PDE1C: variants seen among roughly 807,000 people sequenced by gnomAD.
The protein encoded by PDE1C is phosphodiesterase 1C, also known as dual specificity calcium/calmodulin-dependent 3',5'-cyclic nucleotide phosphodiesterase 1C.
PDE1C carries 62 observed loss-of-function variants against 93.1 expected under a neutral mutation model. The ratio of observed to expected loss-of-function variants is 0.67; its 90% CI spans 0.54 to 0.82. The LOEUF (loss-of-function observed/expected upper bound fraction) is 0.82, where lower values mean the gene tolerates loss of function less well. PDE1C is among the 40% of genes least tolerant of loss of function. PDE1C has a pLI of 0.00. For synonymous variants in PDE1C, 325 were observed against 310.1 expected (o/e 1.05, Z -0.50); for missense variants, 742 against 884.6 (o/e 0.84, Z 2.04).
At chr7:32,280,432 G>C (rs1221490834) in intron 1 of PDE1C, among the ~76,000 whole-genome samples, 1 of 152,038 alleles carries the variant, frequency 6.6e-6, no homozygotes, top group Non-Finnish European at 1.5e-5. Flanking sequence ...AAAAAATAGA[G>C]AAAAAGCTAA....
chr7:31,731,990 G>A, the PDE1C span, among the ~76,000 whole-genome samples: 4 of 152,234 alleles, frequency 2.6e-5, no homozygotes, highest in Non-Finnish European at 2.9e-5. Flanking sequence ...ATACTGATGA[G>A]GAGGGTGTAT....
chr7:31,782,309 A>G (rs1443110221), intron 16 of PDE1C, among the ~76,000 whole-genome samples: 1 of 152,254 alleles, frequency 6.6e-6, no homozygotes, highest in African/African-American at 2.4e-5. Context: ...CTGTGTAAAA[A>G]TGCATAGCGA....
intron 1 of PDE1C, among the ~76,000 whole-genome samples, chr7:32,366,788 T>C (rs1053174911): frequency 6.6e-6 from 1 of 151,456 alleles, no homozygotes; most frequent in South Asian, 2.1e-4. Context: ...AAGAAAAGGC[T>C]GCCGGTCAGG....
intron 2 of PDE1C, among the ~76,000 whole-genome samples, chr7:31,947,051 T>C (rs1419660276): frequency 3.3e-5 from 5 of 152,228 alleles, no homozygotes; most frequent in Non-Finnish European, 7.3e-5. Flanking sequence ...GTGGTCTTTG[T>C]TTTTGTCTCA....
At chr7:32,155,933 G>A (rs193125074) in intron 3 of PDE1C, among the ~76,000 whole-genome samples, 54 of 152,268 alleles carry the variant, frequency 3.5e-4, no homozygotes, top group Non-Finnish European at 6.9e-4. Context: ...GGGTCAGCAG[G>A]AGCAGGGAGC....
the PDE1C span, among the ~76,000 whole-genome samples, chr7:31,712,365 G>A: frequency 6.6e-6 from 1 of 152,194 alleles, no homozygotes; most frequent in African/African-American, 2.4e-5. Flanking sequence ...TTGCCTAATT[G>A]CAGGAACACA....
At chr7:32,333,203 T>C (rs1435270175) in intron 1 of PDE1C, among the ~76,000 whole-genome samples, 1 of 152,126 alleles carries the variant, frequency 6.6e-6, no homozygotes, top group African/African-American at 2.4e-5. Flanking sequence ...GAATGAGAAA[T>C]AGCAAAATCA....
At chr7:32,000,884 G>C (rs934053089) in intron 2 of PDE1C, among the ~76,000 whole-genome samples, 1 of 152,076 alleles carries the variant, frequency 6.6e-6, no homozygotes, top group Non-Finnish European at 1.5e-5. Flanking sequence ...ATTTTCACAG[G>C]ACATAATTTT....
At chr7:31,955,918 T>C (rs879676039) in intron 2 of PDE1C, among the ~76,000 whole-genome samples, 1 of 152,058 alleles carries the variant, frequency 6.6e-6, no homozygotes, top group Non-Finnish European at 1.5e-5. Flanking sequence ...TGCTTAAGAG[T>C]GTTAGGGACA....
the PDE1C span, among the ~76,000 whole-genome samples, chr7:31,621,408 TC>T: frequency 1.8e-4 from 9 of 48,706 alleles, no homozygotes; most frequent in East Asian, 5.0e-3. Flanking sequence ...AGCGGATCTC[TC>T]GGCAGAAACC....
chr7:32,070,867 G>A (rs970048294), upstream of PDE1C: 1 of 986,144 alleles, frequency 1.0e-6, no homozygotes, highest in Non-Finnish European at 1.2e-6. Flanking sequence ...GAGCCGGCGC[G>A]GGCGGTGGGG....
intron 3 of PDE1C, among the ~76,000 whole-genome samples, chr7:32,093,603 A>G (rs1797591297): frequency 6.6e-6 from 1 of 152,188 alleles, no homozygotes; most frequent in African/African-American, 2.4e-5. Flanking sequence ...CATTCCTCCC[A>G]CAAACACTTA....
chr7:31,654,068 A>G, the PDE1C span, among the ~76,000 whole-genome samples: 3,247 of 151,960 alleles, frequency 0.021, 131 homozygotes, highest in African/African-American at 0.074. Flanking sequence ...AAAAAAAAAA[A>G]AAAACCAACA....
intron 1 of PDE1C, among the ~76,000 whole-genome samples, chr7:32,288,000 C>T (rs1812100349): frequency 6.6e-6 from 1 of 152,076 alleles, no homozygotes; most frequent in African/African-American, 2.4e-5. Context: ...GTCAGGGGTT[C>T]GAGACCAGCC....
the PDE1C span, among the ~76,000 whole-genome samples, chr7:31,619,378 A>AT: frequency 6.6e-6 from 1 of 152,146 alleles, no homozygotes; most frequent in Admixed American, 6.5e-5. Context: ...TCAGTGTTGA[A>AT]TTTTCAATTC....
chr7:32,301,894 C>T (rs1812890303), upstream of PDE1C, among the ~76,000 whole-genome samples: 1 of 152,128 alleles, frequency 6.6e-6, no homozygotes, highest in Admixed American at 6.5e-5. Flanking sequence ...CGTCTGCAAG[C>T]TAAAAACAGC....
chr7:31,778,945 C>T (rs1430363334), intron 16 of PDE1C, among the ~76,000 whole-genome samples: 1 of 152,180 alleles, frequency 6.6e-6, no homozygotes, highest in African/African-American at 2.4e-5. Flanking sequence ...TTTCCCCTGA[C>T]TCTTGCTGCT....
the PDE1C span, chr7:31,642,769 G>C: frequency 6.2e-7 from 1 of 1,613,990 alleles, no homozygotes; most frequent in Non-Finnish European, 8.5e-7. Context: ...ATCATCCCAG[G>C]ACTGTCAGCT....
chr7:31,691,526 T>A, the PDE1C span, among the ~76,000 whole-genome samples: 2 of 152,076 alleles, frequency 1.3e-5, no homozygotes, highest in African/African-American at 4.8e-5. Context: ...GCTAATGCAT[T>A]TCTCCTTCAG....
Sources: allele counts gnomAD v4.1 joint callset (sites outside exome capture counted in the v4.1 genomes callset), GRCh38; gene constraint gnomAD v4.1.1; transcripts MANE v1.5; gene names NCBI Gene and HGNC (gene_info 2026-07-23, HGNC 2026-07-21).